Variants in PDSS2 observed in about 807,000 individuals in gnomAD.
The protein encoded by PDSS2 is all trans-polyprenyl-diphosphate synthase PDSS2.
A neutral mutation model predicts 44.5 loss-of-function variants in PDSS2; 31 were observed. The observed-to-expected ratio is 0.70, with a 90% CI of 0.52 to 0.94. The LOEUF is 0.94. Ranked by LOEUF, PDSS2 falls within the 40% of genes least tolerant of loss-of-function variation. The pLI, the probability that PDSS2 is intolerant of heterozygous loss-of-function variation, is 0.00. For missense variants in PDSS2, 452 were observed against 482.2 expected (o/e 0.94, Z 0.59); for synonymous variants, 157 against 180.3 (o/e 0.87, Z 1.03).
chr6:107,243,030 T>C (rs377720779), intron 4 of PDSS2, among the ~76,000 whole-genome samples: 1 of 152,196 alleles, frequency 6.6e-6, no homozygotes. Context: ...AAGTCAGCAA[T>C]TGGTGCTTGC....
At chr6:107,388,590 G>C (rs319110) in intron 1 of PDSS2, among the ~76,000 whole-genome samples, 109,888 of 151,926 alleles carry the variant, frequency 0.72, 40,203 homozygotes, top group Middle Eastern at 0.79. Flanking sequence ...ACAGGAGTAG[G>C]TGGGACTACA....
At chr6:107,242,896 TA>T (rs1289375943) in intron 4 of PDSS2, among the ~76,000 whole-genome samples, 1 of 152,098 alleles carries the variant, frequency 6.6e-6, no homozygotes, top group African/African-American at 2.4e-5. Flanking sequence ...TTTAACTGCT[TA>T]AAAAAGGGCT....
Position 107,153,392 on chromosome 6 carries a change from A to G in PDSS2, c.*1227T>C, listed in dbSNP as rs1279888355. On this transcript the variant is annotated 3_prime_UTR_variant, in exon 8 of 8. Coordinates refer to ENST00000369037, the MANE Select transcript of PDSS2 (RefSeq NM_020381.4). ...TGAGATTGCTTATATTCTTTCTGTA[A>G]TTGGATGTCTGTGGTTCAAGACCAA... 6.6e-6 allele frequency: 1 copy of G among 152,624 alleles called. No homozygotes were observed. Among genetic ancestry groups the G allele is most frequent in the Non-Finnish European group, 1.5e-5 (1 of 68,040 alleles). 9.5% of individuals were successfully genotyped at this position (152,624 alleles called of 1,614,324 possible). A position where few individuals can be genotyped will look rare whatever the true frequency, so the allele number is the denominator to read the frequency against.
intron 1 of PDSS2, among the ~76,000 whole-genome samples, chr6:107,351,741 G>C (rs374634062): frequency 6.6e-6 from 1 of 152,078 alleles, no homozygotes. Flanking sequence ...TATTTAAGTA[G>C]ATCTGAAAGG....
chr6:107,370,428 T>A (rs1448658230), intron 1 of PDSS2, among the ~76,000 whole-genome samples: 2 of 152,222 alleles, frequency 1.3e-5, no homozygotes, highest in African/African-American at 4.8e-5. Flanking sequence ...ACTACCAGAT[T>A]GTGACTTCTA....
chr6:107,307,892 C>T (rs983156734), intron 2 of PDSS2, among the ~76,000 whole-genome samples: 1 of 152,082 alleles, frequency 6.6e-6, no homozygotes. Flanking sequence ...CTGATGACTC[C>T]TCTCTTTACA....
intron 4 of PDSS2, among the ~76,000 whole-genome samples, chr6:107,221,108 C>G (rs779211810): frequency 1.9e-4 from 29 of 152,154 alleles, no homozygotes; most frequent in South Asian, 4.2e-4. Context: ...TTCGGGAGGC[C>G]GAGGCAGGTG....
At chr6:107,388,971 C>T (rs1292213398) in intron 1 of PDSS2, among the ~76,000 whole-genome samples, 3 of 152,154 alleles carry the variant, frequency 2.0e-5, no homozygotes, top group Admixed American at 1.3e-4. Flanking sequence ...AGATTACATA[C>T]TGTATGATTC....
At chr6:107,369,571 A>C (rs1487330870) in intron 1 of PDSS2, among the ~76,000 whole-genome samples, 2 of 152,192 alleles carry the variant, frequency 1.3e-5, no homozygotes, top group African/African-American at 2.4e-5. Flanking sequence ...TATCTTCATG[A>C]CCTTTCTCAA....
intron 1 of PDSS2, among the ~76,000 whole-genome samples, chr6:107,354,291 A>G (rs1778527776): frequency 6.6e-6 from 1 of 152,246 alleles, no homozygotes; most frequent in Non-Finnish European, 1.5e-5. Flanking sequence ...AAATAATAAA[A>G]GTGAAACCAT....
At position 107,291,035 on chromosome 6, in the gene PDSS2, A is replaced by G. The variant is rs1776328948; in HGVS notation, c.432-16808T>C. Reference sequence around the variant, plus strand: ...AAAAAAAAAAAAGCATGTGAGCGCTAATGAAAAGGAAAAGCATACATACTT... The same window carrying G: ...AAAAAAAAAAAAGCATGTGAGCGCTGATGAAAAGGAAAAGCATACATACTT... On this transcript the variant is annotated intron_variant, in intron 2 of 7. Coordinates refer to ENST00000369037, the MANE Select transcript of PDSS2 (RefSeq NM_020381.4). Among the ~76,000 whole-genome samples the G allele has an allele frequency of 2.0e-5, 3 of 152,158 alleles. No individual in the cohort carries two copies. The South Asian group carries it at 6.2e-4, about 32-fold the overall frequency.
chr6:107,236,772 G>T (rs1477909356), intron 4 of PDSS2, among the ~76,000 whole-genome samples: 2 of 151,694 alleles, frequency 1.3e-5, no homozygotes. Context: ...CATTCTTTTT[G>T]ATGCCTTTTC....
intron 6 of PDSS2, among the ~76,000 whole-genome samples, chr6:107,200,504 T>C (rs1026427335): frequency 4.6e-5 from 7 of 152,188 alleles, no homozygotes; most frequent in African/African-American, 1.7e-4. Flanking sequence ...CTATGTCTAA[T>C]GTCTTTTTTA....
intron 7 of PDSS2, among the ~76,000 whole-genome samples, chr6:107,166,165 C>G (rs1195124137): frequency 6.6e-6 from 1 of 151,946 alleles, no homozygotes; most frequent in African/African-American, 2.4e-5. Context: ...ATTTCTTTCT[C>G]CTGCCTGATT....
intron 7 of PDSS2, among the ~76,000 whole-genome samples, chr6:107,176,582 TG>T (rs1334055635): frequency 2.0e-5 from 3 of 152,156 alleles, no homozygotes; most frequent in Admixed American, 6.6e-5. Context: ...AGCCTCCTGT[TG>T]GGAGTGAGAC....
At chr6:107,163,230 G>T (rs1771211989) in intron 7 of PDSS2, among the ~76,000 whole-genome samples, 1 of 152,064 alleles carries the variant, frequency 6.6e-6, no homozygotes, top group Admixed American at 6.6e-5. Flanking sequence ...ATGATAAAAG[G>T]GTAATTCAGA....
intron 2 of PDSS2, among the ~76,000 whole-genome samples, chr6:107,274,429 T>C (rs1161480645): frequency 6.6e-6 from 1 of 152,114 alleles, no homozygotes; most frequent in South Asian, 2.1e-4. Context: ...CTTCCTTCTC[T>C]GTAATACTCC....
At chr6:107,432,719 T>C (rs1404288608) in intron 1 of PDSS2, among the ~76,000 whole-genome samples, 4 of 152,022 alleles carry the variant, frequency 2.6e-5, no homozygotes, top group Admixed American at 6.5e-5. Flanking sequence ...GATTGTGTCA[T>C]TGCACTCCAG....
At chr6:107,385,006 G>A (rs1220490056) in intron 1 of PDSS2, among the ~76,000 whole-genome samples, 1 of 152,158 alleles carries the variant, frequency 6.6e-6, no homozygotes, top group Non-Finnish European at 1.5e-5. Flanking sequence ...CTCAATAAAT[G>A]TCTGCTCAAA....
Sources: allele counts gnomAD v4.1 joint callset (sites outside exome capture counted in the v4.1 genomes callset), GRCh38; gene constraint gnomAD v4.1.1; transcripts MANE v1.5; gene names NCBI Gene and HGNC (gene_info 2026-07-23, HGNC 2026-07-21).